ZBTB40: variants seen among roughly 807,000 people sequenced by gnomAD.
ZBTB40 encodes zinc finger and BTB domain containing 40.
In ZBTB40, 60 loss-of-function variants were observed where a neutral mutation model predicts 117.5. That is an observed-to-expected ratio of 0.51 (90% CI 0.41 to 0.63). The LOEUF (loss-of-function observed/expected upper bound fraction) is 0.63, where lower values mean the gene tolerates loss of function less well. ZBTB40 is among the 30% of genes least tolerant of loss of function. The probability of loss-of-function intolerance (pLI) is 0.00; values close to 1 mark genes in which losing one functional copy is unlikely to be tolerated. For missense variants in ZBTB40, 1,287 were observed against 1,498.5 expected (o/e 0.86, Z 2.33); for synonymous variants, 525 against 577.1 (o/e 0.91, Z 1.29).
At chr1:22,435,027 T>C (rs565878726) in intron 1 of ZBTB40, among the ~76,000 whole-genome samples, 16 of 152,106 alleles carry the variant, frequency 1.1e-4, no homozygotes, top group African/African-American at 3.1e-4. Flanking sequence ...AATTTTTTTT[T>C]TTTTTTTAGA....
chr1:22,471,899 G>A (rs1298954780), intron 1 of ZBTB40, among the ~76,000 whole-genome samples: 1 of 152,190 alleles, frequency 6.6e-6, no homozygotes, highest in East Asian at 1.9e-4. Flanking sequence ...AGCCACCGGC[G>A]AGGGGCTGTG....
chr1:22,498,009 C>T (rs1417778592), intron 3 of ZBTB40, among the ~76,000 whole-genome samples: 6 of 151,948 alleles, frequency 3.9e-5, no homozygotes, highest in Admixed American at 6.6e-5. Context: ...AGGCAGTACA[C>T]GAACAATTGG....
intron 1 of ZBTB40, among the ~76,000 whole-genome samples, chr1:22,480,602 G>A (rs1188655094): frequency 6.6e-6 from 1 of 151,362 alleles, no homozygotes; most frequent in South Asian, 2.1e-4. Context: ...TGCCCGCCTC[G>A]GCCTCCCAAA....
chr1:22,529,056 C>T lies in ZBTB40; in HGVS notation c.*2660C>T, dbSNP rs893573580. On this transcript the variant is annotated 3_prime_UTR_variant, in exon 18 of 18. Coordinates refer to ENST00000375647, the MANE Select transcript of ZBTB40 (RefSeq NM_014870.4). ...TACTGTCTGCTCTGAGTGGGCTCCG[C>T]ACTGGCTGACTGATTTTATAGTCTT... 1 of 152,322 alleles carries T rather than the reference C, an allele frequency of 6.6e-6. No individual in the cohort carries two copies. The highest frequency in any genetic ancestry group is 2.4e-5 in the African/African-American group (1 of 41,432). 9.4% of individuals were successfully genotyped at this position (152,322 alleles called of 1,614,324 possible). A position where few individuals can be genotyped will look rare whatever the true frequency, so the allele number is the denominator to read the frequency against.
intron 1 of ZBTB40, among the ~76,000 whole-genome samples, chr1:22,476,281 G>A (rs535371561): frequency 5.3e-5 from 8 of 152,240 alleles, no homozygotes; most frequent in East Asian, 3.9e-4. Context: ...GTGCAATGGC[G>A]TGATCTCAGC....
intron 1 of ZBTB40, among the ~76,000 whole-genome samples, chr1:22,469,539 G>GGTTTTTTT (rs1287043836): frequency 2.0e-5 from 3 of 151,950 alleles, no homozygotes; most frequent in Admixed American, 6.6e-5. Flanking sequence ...CACCTGATAG[G>GGTTTTTTT]GTTTTTTTGT....
intron 1 of ZBTB40, among the ~76,000 whole-genome samples, chr1:22,438,817 ATCT>A (rs1640700862): frequency 6.6e-6 from 1 of 152,076 alleles, no homozygotes; most frequent in Non-Finnish European, 1.5e-5. Context: ...CCATTTGTGT[ATCT>A]TCTTTAGAGA....
chr1:22,431,376 GTGTGTGTGTATATA>G (rs1157676689), intron 1 of ZBTB40, among the ~76,000 whole-genome samples: 1 of 17,770 alleles, frequency 5.6e-5, no homozygotes, highest in Non-Finnish European at 2.0e-4. Flanking sequence ...GTGTGTGTGT[GTGTGTGTGTATATA>G]TATATATATA....
At chr1:22,478,409 G>A (rs1641602471) in intron 1 of ZBTB40, among the ~76,000 whole-genome samples, 1 of 152,014 alleles carries the variant, frequency 6.6e-6, no homozygotes, top group South Asian at 2.1e-4. Flanking sequence ...TACCACGTCC[G>A]GCTAATTTTT....
intron 1 of ZBTB40, among the ~76,000 whole-genome samples, chr1:22,487,054 G>A (rs1331660856): frequency 1.3e-5 from 2 of 152,134 alleles, no homozygotes; most frequent in Non-Finnish European, 2.9e-5. Context: ...TGTTCAATAA[G>A]TTGTGATTCT....
intron 1 of ZBTB40, among the ~76,000 whole-genome samples, chr1:22,464,677 A>G (rs555210844): frequency 2.2e-4 from 33 of 152,356 alleles, no homozygotes; most frequent in African/African-American, 7.5e-4. Flanking sequence ...GACAGTACCT[A>G]GGATAACCAC....
In ZBTB40 at chr1:22,518,992, C is replaced by A. The variant is rs139086202; in HGVS notation, c.2834-1069C>A. ...ATCCGTGGCAGGCCTAGCATCCAGG[C>A]CCCCCTCTCTCTCCCATTTCTTGCC... On this transcript the variant is annotated intron_variant, in intron 13 of 17. Coordinates refer to ENST00000375647, the MANE Select transcript of ZBTB40 (RefSeq NM_014870.4). 1.5e-3 allele frequency among the ~76,000 whole-genome samples: 232 copies of A among 152,260 alleles called. 1 individual carries two copies. Among genetic ancestry groups the A allele is most frequent in the African/African-American group, 5.3e-3 (222 of 41,550 alleles).
intron 9 of ZBTB40, 24 bp from the exon 10 acceptor site, chr1:22,511,155 C>CT: frequency 6.2e-7 from 1 of 1,611,744 alleles, no homozygotes; most frequent in Non-Finnish European, 8.5e-7. Context: ...AACCCCACAC[C>CT]TTTGTCTCCT....
rs148529618 is a variant in ZBTB40 at position 22,461,895 on chromosome 1, G to A, written c.-70+9891G>A. Among the ~76,000 whole-genome samples, 359 of 152,310 alleles carry A rather than the reference G, an allele frequency of 2.4e-3. 1 individual carries two copies. The highest frequency in any genetic ancestry group is 8.2e-3 in the African/African-American group (340 of 41,556). ...CAGTGACAATCTGCTGGATTGACAAGCACATCTTTTTCGCTGATAGGGCTG... is the reference window on the plus strand; with the variant it reads ...CAGTGACAATCTGCTGGATTGACAAACACATCTTTTTCGCTGATAGGGCTG... On this transcript the variant is annotated intron_variant, in intron 1 of 17. Coordinates refer to ENST00000375647, the MANE Select transcript of ZBTB40 (RefSeq NM_014870.4).
chr1:22,519,942 G>C, intron 13 of ZBTB40, 119 bp from the exon 14 acceptor site: 1 of 924,994 alleles, frequency 1.1e-6, no homozygotes, highest in Non-Finnish European at 1.8e-6. Context: ...TGCCTGTTAC[G>C]TAAAGCAGAG....
chr1:22,481,057 C>A (rs1386275017), intron 1 of ZBTB40, among the ~76,000 whole-genome samples: 2 of 152,110 alleles, frequency 1.3e-5, no homozygotes, highest in Non-Finnish European at 2.9e-5. Flanking sequence ...CCCCTGTAGG[C>A]CACCATGGTC....
intron 1 of ZBTB40, among the ~76,000 whole-genome samples, chr1:22,437,424 C>CTT (rs755956667): frequency 1.6e-4 from 22 of 141,300 alleles, no homozygotes; most frequent in Non-Finnish European, 2.0e-4. Context: ...AACTTATCAT[C>CTT]TTTTTTTTTT....
chr1:22,446,780 AAAG>A (rs1640794321), intron 1 of ZBTB40, among the ~76,000 whole-genome samples: 1 of 141,318 alleles, frequency 7.1e-6, no homozygotes, highest in Non-Finnish European at 1.5e-5. Flanking sequence ...AGAAAGGTGA[AAAG>A]AAGTTCTTTA....
chr1:22,461,570 A>G (rs1425456986), intron 1 of ZBTB40, among the ~76,000 whole-genome samples: 1 of 152,150 alleles, frequency 6.6e-6, no homozygotes, highest in Non-Finnish European at 1.5e-5. Flanking sequence ...TCAAAGACAA[A>G]AGAAAAAGCT....
Sources: allele counts gnomAD v4.1 joint callset (sites outside exome capture counted in the v4.1 genomes callset), GRCh38; gene constraint gnomAD v4.1.1; transcripts MANE v1.5; gene names NCBI Gene and HGNC (gene_info 2026-07-23, HGNC 2026-07-21).